The following SLC38A8 variants were observed in gnomAD, a reference collection of about 807,000 sequenced individuals.
The protein encoded by SLC38A8 is amino acid transporter SLC38A8.
In SLC38A8, 65 loss-of-function variants were observed where a neutral mutation model predicts 46.0. The observed-to-expected ratio is 1.41, with a 90% CI of 1.16 to 1.74. SLC38A8 has a LOEUF of 1.74. Ranked by LOEUF, SLC38A8 falls within the 40% of genes most tolerant of loss-of-function variation. SLC38A8 has a pLI of 0.00. For synonymous variants in SLC38A8, 447 were observed against 243.7 expected (o/e 1.83, Z -7.77); for missense variants, 998 against 567.9 (o/e 1.76, Z -7.70).
Position 84,017,304 on chromosome 16 carries a change from A to G in SLC38A8, c.806-17T>C. 1.2e-6 allele frequency: 2 copies of G among 1,613,744 alleles called. No homozygotes were observed. The highest frequency in any genetic ancestry group is 1.7e-6 in the Non-Finnish European group (2 of 1,179,944). ...CATAAACCCCTGAAGGTGGGAAAGG[A>G]TGGAAGCCACAGAGTGGATTAGGAA... On this transcript the variant is annotated splice_polypyrimidine_tract_variant and intron_variant, in intron 7 of 10. Transcript: ENST00000299709.
chr16:84,010,460 G>A (rs1241085205), intron 10 of SLC38A8, among the ~76,000 whole-genome samples: 1 of 152,182 alleles, frequency 6.6e-6, no homozygotes, highest in East Asian at 1.9e-4. Flanking sequence ...AGACATGGGG[G>A]CCAGGCATGG....
At chr16:84,014,300 C>T (rs996749900) in intron 9 of SLC38A8, among the ~76,000 whole-genome samples, 7 of 148,226 alleles carry the variant, frequency 4.7e-5, no homozygotes, top group Non-Finnish European at 1.0e-4. Flanking sequence ...TCGCCCACAG[C>T]CTGAATAAGG....
intron 7 of SLC38A8, among the ~76,000 whole-genome samples, chr16:84,019,655 C>A (rs2085072775): frequency 6.6e-6 from 1 of 152,188 alleles, no homozygotes; most frequent in South Asian, 2.1e-4. Context: ...AACCCCATGA[C>A]CCCAAAGTCT....
chr16:84,020,690 G>A (rs2085085268), intron 7 of SLC38A8, among the ~76,000 whole-genome samples: 1 of 152,174 alleles, frequency 6.6e-6, no homozygotes, highest in East Asian at 1.9e-4. Context: ...GAGGCACCCT[G>A]GGTCTGTCCC....
At chr16:84,038,583 G>T (rs959546107) in intron 2 of SLC38A8, among the ~76,000 whole-genome samples, 2 of 152,172 alleles carry the variant, frequency 1.3e-5, no homozygotes, top group Non-Finnish European at 2.9e-5. Flanking sequence ...CTTTTCTCTT[G>T]TAGGGTGAAT....
At chr16:84,015,752 C>G (rs563895149) in intron 9 of SLC38A8, among the ~76,000 whole-genome samples, 1 of 152,188 alleles carries the variant, frequency 6.6e-6, no homozygotes, top group Non-Finnish European at 1.5e-5. Context: ...GTCGCCCAGG[C>G]TAGAGTGCAG....
intron 9 of SLC38A8, among the ~76,000 whole-genome samples, chr16:84,013,799 G>T (rs1390626945): frequency 6.6e-6 from 1 of 151,440 alleles, no homozygotes; most frequent in Admixed American, 6.6e-5. Flanking sequence ...AGCTCCCAAA[G>T]GATCCTCTCT....
At chr16:84,037,543 C>T (rs1231944330) in intron 2 of SLC38A8, among the ~76,000 whole-genome samples, 1 of 152,128 alleles carries the variant, frequency 6.6e-6, no homozygotes, top group Non-Finnish European at 1.5e-5. Context: ...GGCGGATCAC[C>T]TGAGGTCAGG....
intron 7 of SLC38A8, among the ~76,000 whole-genome samples, chr16:84,021,798 T>C (rs1474668164): frequency 2.0e-5 from 3 of 152,242 alleles, no homozygotes; most frequent in Non-Finnish European, 4.4e-5. Context: ...GAAATTTTTT[T>C]ACAGTTATGG....
Position 84,031,917 on chromosome 16 carries a change from C to T in SLC38A8, c.582G>A (p.Gln194=), listed in dbSNP as rs756744592. 3.7e-6 allele frequency: 6 copies of T among 1,614,108 alleles called. No homozygotes were observed. The African/African-American group carries it at 5.3e-5, about 14-fold the overall frequency. ...ACYLALVITV[Q]YYLWPQGLVR... The stretch of plus-strand genomic sequence containing the variant: ...CGAGGCCCTGGGGCCAGAGGTAGTA[C>T]TGCACGGTGATGACCAGGGCCAGGT... Residue 194 remains glutamine (Q), a synonymous_variant, in exon 5 of 11, where the codon CAG becomes CAA. Transcript: ENST00000299709.
chr16:84,023,926 T>A (rs578113411), intron 6 of SLC38A8, among the ~76,000 whole-genome samples: 4 of 152,292 alleles, frequency 2.6e-5, no homozygotes, highest in African/African-American at 9.6e-5. Context: ...CAGAGAATGT[T>A]TCCGTTAATG....
chr16:84,024,590 G>T (rs529832536), intron 6 of SLC38A8, among the ~76,000 whole-genome samples: 1 of 152,016 alleles, frequency 6.6e-6, no homozygotes, highest in African/African-American at 2.4e-5. Context: ...AGACCAGCCT[G>T]GCCAACATGG....
intron 6 of SLC38A8, among the ~76,000 whole-genome samples, chr16:84,024,546 C>T (rs1474778279): frequency 6.6e-6 from 1 of 151,940 alleles, no homozygotes; most frequent in African/African-American, 2.4e-5. Context: ...TTTGGGAGGC[C>T]AAGGCGTGTG....
intron 7 of SLC38A8, among the ~76,000 whole-genome samples, chr16:84,021,779 T>C (rs552638062): frequency 6.6e-6 from 1 of 152,358 alleles, no homozygotes; most frequent in East Asian, 1.9e-4. Flanking sequence ...GAGTAATTTA[T>C]ACAGAAAGGA....
chr16:84,034,846 T>C (rs79281540), intron 3 of SLC38A8, among the ~76,000 whole-genome samples: 5 of 151,808 alleles, frequency 3.3e-5, no homozygotes, highest in Non-Finnish European at 7.4e-5. Flanking sequence ...GGACCTCCCA[T>C]AGCCAGGATC....
At chr16:84,030,892 G>A (rs1029571729) in intron 5 of SLC38A8, among the ~76,000 whole-genome samples, 60 of 152,124 alleles carry the variant, frequency 3.9e-4, no homozygotes, top group Non-Finnish European at 7.2e-4. Flanking sequence ...CCGATCTCAA[G>A]CATATCCAGT....
rs192066281 is a variant in SLC38A8 at position 84,026,587 on chromosome 16, G to T, written c.690+2907C>A. Among the ~76,000 whole-genome samples, 102 of 152,340 alleles carry T rather than the reference G, an allele frequency of 6.7e-4. 1 individual carries two copies. Among genetic ancestry groups the T allele is most frequent in the African/African-American group, 2.3e-3 (95 of 41,578 alleles). The stretch of plus-strand genomic sequence containing the variant: ...GCTGAGGGCAGGCAGTACCCAGGAG[G>T]TGGTGGCAGTGGGCAGTTGCTCGGT... On this transcript the variant is annotated intron_variant, in intron 6 of 10. Coordinates refer to ENST00000299709, the MANE Select transcript of SLC38A8 (RefSeq NM_001080442.3).
chr16:84,029,750 G>A (rs1340905066), intron 5 of SLC38A8, among the ~76,000 whole-genome samples, 199 bp from the exon 6 acceptor site: 1 of 152,162 alleles, frequency 6.6e-6, no homozygotes, highest in African/African-American at 2.4e-5. Flanking sequence ...TTCTAAATAC[G>A]TCTTTGCTGA....
At chr16:84,020,648 C>G (rs1338341083) in intron 7 of SLC38A8, among the ~76,000 whole-genome samples, 2 of 152,304 alleles carry the variant, frequency 1.3e-5, no homozygotes, top group East Asian at 1.9e-4. Context: ...GTCCCGGGAG[C>G]AGAGACGTGA....
Sources: allele counts gnomAD v4.1 joint callset (sites outside exome capture counted in the v4.1 genomes callset), GRCh38; gene constraint gnomAD v4.1.1; transcripts MANE v1.5; gene names NCBI Gene and HGNC (gene_info 2026-07-23, HGNC 2026-07-21).